The following PIK3R4 variants were observed in gnomAD, a reference collection of about 807,000 sequenced individuals.
PIK3R4 encodes the protein phosphoinositide 3-kinase regulatory subunit 4.
A neutral mutation model predicts 136.5 loss-of-function variants in PIK3R4; 46 were observed. That is an observed-to-expected ratio of 0.34 (90% CI 0.27 to 0.43). The LOEUF is 0.43. Ranked by LOEUF, PIK3R4 falls within the 20% of genes least tolerant of loss-of-function variation. The pLI is 1.00. For missense variants in PIK3R4, 1,331 were observed against 1,649.5 expected, an observed-to-expected ratio of 0.81 and a Z score of 3.35; for synonymous variants, 557 against 566.7, an observed-to-expected ratio of 0.98 and a Z score of 0.24.
At chr3:130,715,576 T>C (rs2066660356) in intron 9 of PIK3R4, among the ~76,000 whole-genome samples, 1 of 152,196 alleles carries the variant, frequency 6.6e-6, no homozygotes, top group African/African-American at 2.4e-5. Context: ...AAAGTGTCTA[T>C]TCATATCCTT....
rs187609264 is a variant in PIK3R4, at chr3:130,697,233, C to A, written c.3098+6490G>T. Among the ~76,000 whole-genome samples the A allele has an allele frequency of 7.6e-4, 115 of 151,972 alleles. 2 individuals carry two copies. The highest frequency in any genetic ancestry group is 7.5e-3 in the Admixed American group (115 of 15,250). ...TACAGGCGTGTGCCACCACGCCTGGCAAAATTTTTTTGTATTTTTAGTAGA... is the reference window on the plus strand; with the variant it reads ...TACAGGCGTGTGCCACCACGCCTGGAAAAATTTTTTTGTATTTTTAGTAGA... On this transcript the variant is annotated intron_variant, in intron 13 of 19. Transcript: ENST00000356763.
intron 6 of PIK3R4, among the ~76,000 whole-genome samples, chr3:130,726,841 C>T (rs1411059557): frequency 6.6e-6 from 1 of 150,400 alleles, no homozygotes; most frequent in Non-Finnish European, 1.5e-5. Flanking sequence ...CCGACTTTTC[C>T]CGAGAAAAGA....
intron 2 of PIK3R4, among the ~76,000 whole-genome samples, chr3:130,743,205 G>A (rs1051137432): frequency 1.7e-4 from 26 of 151,744 alleles, no homozygotes; most frequent in Admixed American, 5.3e-4. Flanking sequence ...GAGCTCAGGC[G>A]TTCAGGAACA....
At chr3:130,743,220 G>A (rs1467385114) in intron 2 of PIK3R4, among the ~76,000 whole-genome samples, 1 of 151,600 alleles carries the variant, frequency 6.6e-6, no homozygotes, top group Non-Finnish European at 1.5e-5. Context: ...GGAACATTCT[G>A]GGCAACACAG....
chr3:130,735,807 A>T, intron 3 of PIK3R4, 62 bp downstream of exon 3: 1 of 1,461,062 alleles, frequency 6.8e-7, no homozygotes. Context: ...AATCTGATTA[A>T]AGCAAAAGTG....
intron 9 of PIK3R4, among the ~76,000 whole-genome samples, chr3:130,712,779 AAAG>A (rs1384471832): frequency 6.6e-6 from 1 of 152,312 alleles, no homozygotes; most frequent in East Asian, 1.9e-4. Flanking sequence ...CAGGGACCAA[AAAG>A]AAGTGAAGGT....
chr3:130,734,908 T>A (rs1421118741), intron 3 of PIK3R4, among the ~76,000 whole-genome samples: 1 of 152,208 alleles, frequency 6.6e-6, no homozygotes, highest in Non-Finnish European at 1.5e-5. Context: ...GTAGTGAACA[T>A]GGGGGACTCA....
At chr3:130,718,330 T>C (rs1318517008) in intron 8 of PIK3R4, 59 bp downstream of exon 8, 11 of 1,421,234 alleles carry the variant, frequency 7.7e-6, no homozygotes, top group Admixed American at 3.8e-5. Context: ...TCTCTAAACA[T>C]TTTTTTTAAA....
intron 1 of PIK3R4, among the ~76,000 whole-genome samples, chr3:130,745,784 G>A (rs920259333): frequency 6.6e-5 from 10 of 152,218 alleles, no homozygotes; most frequent in South Asian, 2.1e-4. Flanking sequence ...AGCACTTCGG[G>A]AGGCCGAGGC....
At chr3:130,695,662 T>G (rs2066541814) in intron 13 of PIK3R4, among the ~76,000 whole-genome samples, 1 of 152,168 alleles carries the variant, frequency 6.6e-6, no homozygotes, top group Non-Finnish European at 1.5e-5. Context: ...AGAGACTCTA[T>G]TCACATAACT....
chr3:130,728,525 A>C lies in PIK3R4; in HGVS notation c.1745T>G (p.Ile582Ser). Reference sequence around the variant, plus strand: ...ATCATTCTTATCATTTAGGAAAGTAATCATGTGGGACAACAAAACATCGTT... The same window carrying C: ...ATCATTCTTATCATTTAGGAAAGTACTCATGTGGGACAACAAAACATCGTT... ...KANDVLLSHM[I>S]TFLNDKNDWH... Residue 582 changes from isoleucine (I) to serine (S), a missense_variant, in exon 6 of 20, where the codon ATT (isoleucine) becomes AGT (serine). Around this residue, in one of 2 missense-constraint regions of PIK3R4, gnomAD observed 1,180 missense variants for 1,407.0 expected, o/e 0.84. Transcript: ENST00000356763. The C allele has an allele frequency of 6.2e-7, 1 of 1,613,860 alleles. No homozygotes were observed. The highest frequency in any genetic ancestry group is 8.5e-7 in the Non-Finnish European group (1 of 1,179,852).
intron 9 of PIK3R4, among the ~76,000 whole-genome samples, chr3:130,710,597 G>A (rs1335157694): frequency 6.6e-6 from 1 of 151,948 alleles, no homozygotes; most frequent in Non-Finnish European, 1.5e-5. Flanking sequence ...GAAAACAAAG[G>A]TATTCAGATT....
At chr3:130,732,008 G>A (rs1378573200) in intron 4 of PIK3R4, among the ~76,000 whole-genome samples, 1 of 152,088 alleles carries the variant, frequency 6.6e-6, no homozygotes, top group East Asian at 1.9e-4. Flanking sequence ...AATGCAAGGT[G>A]CTGGCACTGA....
intron 9 of PIK3R4, among the ~76,000 whole-genome samples, chr3:130,711,298 A>C (rs1439691422): frequency 1.3e-5 from 2 of 152,310 alleles, no homozygotes; most frequent in African/African-American, 4.8e-5. Flanking sequence ...AATGCCTAAA[A>C]TATTTAAAAC....
At chr3:130,688,506 T>C (rs539308510) in intron 14 of PIK3R4, among the ~76,000 whole-genome samples, 3 of 152,362 alleles carry the variant, frequency 2.0e-5, no homozygotes, top group Admixed American at 1.3e-4. Context: ...TGGTTAACTT[T>C]TTAAATTTTA....
chr3:130,733,731 A>G lies in PIK3R4; in HGVS notation c.1267T>C (p.Leu423=). The G allele has an allele frequency of 6.2e-7, 1 of 1,614,190 alleles. No homozygotes were observed. The highest frequency in any genetic ancestry group is 8.5e-7 in the Non-Finnish European group (1 of 1,180,012). The change falls in exon 4 of 20, where the codon TTG becomes CTG. Residue 423 remains leucine, a synonymous_variant. Transcript: ENST00000356763. ...GGAACAGAGTCATTGCTGAAATGCA[A>G]AAGATATGGAGTAATACGATCCAAA... ...ILLDRITPYL[L]HFSNDSVPRV...
chr3:130,733,487 T>C, intron 4 of PIK3R4, 61 bp downstream of exon 4: 1 of 1,073,234 alleles, frequency 9.3e-7, no homozygotes, highest in East Asian at 2.4e-5. Flanking sequence ...AAACAAGCAG[T>C]ATTATAGTCA....
intron 7 of PIK3R4, among the ~76,000 whole-genome samples, chr3:130,721,420 T>C (rs548519514): frequency 6.6e-6 from 1 of 151,918 alleles, no homozygotes; most frequent in Non-Finnish European, 1.5e-5. Flanking sequence ...GGAAATGAAA[T>C]TAGTATGTTG....
At chr3:130,693,688 G>A (rs1020981441) in intron 13 of PIK3R4, among the ~76,000 whole-genome samples, 1 of 152,064 alleles carries the variant, frequency 6.6e-6, no homozygotes, top group Admixed American at 6.6e-5. Flanking sequence ...ATCTTTATCA[G>A]ATATATGATA....
Sources: allele counts gnomAD v4.1 joint callset (sites outside exome capture counted in the v4.1 genomes callset), GRCh38; gene constraint gnomAD v4.1.1; regional missense constraint gnomAD v4.1.1; transcripts MANE v1.5; gene names NCBI Gene and HGNC (gene_info 2026-07-23, HGNC 2026-07-21).